SLC30A8: variants seen among roughly 807,000 people sequenced by gnomAD.
The protein encoded by SLC30A8 is solute carrier family 30 member 8.
In SLC30A8, 27 loss-of-function variants were observed where a neutral mutation model predicts 36.9. The observed-to-expected ratio is 0.73, with a 90% CI of 0.54 to 1.01. SLC30A8 has a LOEUF of 1.01. Among genes scored for constraint, SLC30A8 ranks in the 50% least tolerant of loss-of-function variants. SLC30A8 has a pLI of 0.00. For missense variants in SLC30A8, 439 were observed against 452.0 expected (o/e 0.97, Z 0.26); for synonymous variants, 164 against 172.4 (o/e 0.95, Z 0.38).
intron 2 of SLC30A8, among the ~76,000 whole-genome samples, chr8:117,091,321 C>G (rs1025818198): frequency 5.2e-4 from 79 of 152,162 alleles, no homozygotes; most frequent in African/African-American, 1.9e-3. Context: ...TAATTTTGTA[C>G]ACACTGAAGA....
chr8:117,061,872 C>A (rs1818032205), intron 2 of SLC30A8, among the ~76,000 whole-genome samples: 1 of 152,078 alleles, frequency 6.6e-6, no homozygotes. Flanking sequence ...AAGAAGAGAA[C>A]CAAATGAGGG....
At chr8:117,130,691 A>G (rs1283899715), upstream of SLC30A8, among the ~76,000 whole-genome samples, 2 of 151,970 alleles carry the variant, frequency 1.3e-5, no homozygotes, top group Non-Finnish European at 2.9e-5. Flanking sequence ...TTGCCTTTTT[A>G]TATAAATAAA....
At chr8:117,096,511 T>C (rs1383283175) in intron 2 of SLC30A8, among the ~76,000 whole-genome samples, 1 of 152,074 alleles carries the variant, frequency 6.6e-6, no homozygotes, top group African/African-American at 2.4e-5. Flanking sequence ...TTAAGATTCA[T>C]CCAACATTTG....
intron 1 of SLC30A8, among the ~76,000 whole-genome samples, chr8:116,989,966 G>A (rs950946914): frequency 6.6e-6 from 1 of 152,216 alleles, no homozygotes; most frequent in Non-Finnish European, 1.5e-5. Context: ...GATTAGTGGT[G>A]TCTGCCATGA....
chr8:116,978,347 G>C (rs899817727), intron 1 of SLC30A8, among the ~76,000 whole-genome samples: 1 of 152,140 alleles, frequency 6.6e-6, no homozygotes, highest in African/African-American at 2.4e-5. Context: ...GAAGGATGGG[G>C]TAAGAATTTT....
intron 2 of SLC30A8, among the ~76,000 whole-genome samples, chr8:117,061,383 A>G (rs1818020881): frequency 1.3e-5 from 2 of 152,234 alleles, no homozygotes; most frequent in South Asian, 4.1e-4. Flanking sequence ...TTCTCATAGC[A>G]TTCCTATAAC....
chr8:117,163,639 A>C (rs1822904988), intron 6 of SLC30A8, 109 bp downstream of exon 6: 1 of 817,950 alleles, frequency 1.2e-6, no homozygotes, highest in Non-Finnish European at 1.8e-6. Flanking sequence ...TTATGGGAAA[A>C]ATTTAAAGTG....
intron 1 of SLC30A8, among the ~76,000 whole-genome samples, chr8:117,015,408 C>T (rs1204069007): frequency 6.6e-6 from 1 of 152,076 alleles, no homozygotes; most frequent in Non-Finnish European, 1.5e-5. Flanking sequence ...TCTCCATGGT[C>T]CATTCCAAGA....
At chr8:116,994,934 A>T (rs1815765516) in intron 1 of SLC30A8, among the ~76,000 whole-genome samples, 1 of 152,124 alleles carries the variant, frequency 6.6e-6, no homozygotes. Flanking sequence ...GCAAAAATGT[A>T]ATCAGGATAA....
chr8:117,163,388 G>T, intron 5 of SLC30A8, 37 bp from the exon 6 acceptor site: 1 of 1,485,170 alleles, frequency 6.7e-7, no homozygotes. Context: ...AGAGAGGTAT[G>T]AATTCAGTTA....
At chr8:116,988,942 G>A (rs1586366760) in intron 1 of SLC30A8, among the ~76,000 whole-genome samples, 1 of 152,136 alleles carries the variant, frequency 6.6e-6, no homozygotes, top group Non-Finnish European at 1.5e-5. Context: ...GTCTCCTCTT[G>A]TAGGGTATAA....
intron 2 of SLC30A8, among the ~76,000 whole-genome samples, chr8:117,069,683 G>T (rs544762296): frequency 1.3e-5 from 2 of 152,276 alleles, no homozygotes; most frequent in African/African-American, 4.8e-5. Flanking sequence ...ATGAAGGCTG[G>T]GTTTGAATTT....
chr8:117,014,994 A>G (rs1816467196), intron 1 of SLC30A8, among the ~76,000 whole-genome samples: 1 of 140,260 alleles, frequency 7.1e-6, no homozygotes, highest in African/African-American at 2.8e-5. Context: ...CATCACAACT[A>G]TATATCTATA....
chr8:117,154,554 A>G (rs1822375015), intron 3 of SLC30A8, among the ~76,000 whole-genome samples: 1 of 152,178 alleles, frequency 6.6e-6, no homozygotes, highest in Admixed American at 6.5e-5. Context: ...CAAACACTTG[A>G]TCATCGCAGG....
At position 117,161,765 on chromosome 8, in the gene SLC30A8, C is replaced by T. The variant is rs202179744; in HGVS notation, c.600C>T (p.Cys200=). 12 of 1,613,434 alleles carry T rather than the reference C, an allele frequency of 7.4e-6. No homozygotes were observed. The African/African-American group carries it at 1.3e-4, about 18-fold the overall frequency. ...IVLTVVLHQR[C]LGHNHKEVQA... is the part of the protein sequence containing the mutation. ...TAACTGTGGTTTTGCACCAGAGATG[C>T]CTTGGCCACAATCACAAGGAAGTAC... Residue 200 remains cysteine, a synonymous_variant, in exon 5 of 8, where the codon TGC becomes TGT. Transcript: ENST00000456015.
intron 1 of SLC30A8, among the ~76,000 whole-genome samples, chr8:117,018,888 C>T (rs928495807): frequency 2.0e-5 from 3 of 152,096 alleles, no homozygotes; most frequent in Non-Finnish European, 4.4e-5. Context: ...GTCTTGAACT[C>T]CTGACCTCAG....
At chr8:117,103,618 G>A (rs756108611) in intron 2 of SLC30A8, among the ~76,000 whole-genome samples, 1 of 152,154 alleles carries the variant, frequency 6.6e-6, no homozygotes. Flanking sequence ...GGGACTACAG[G>A]CATGAACCAC....
intron 1 of SLC30A8, among the ~76,000 whole-genome samples, chr8:117,027,482 T>TA (rs2130734279): frequency 6.6e-6 from 1 of 152,308 alleles, no homozygotes; most frequent in South Asian, 2.1e-4. Context: ...TTTTTTTTGT[T>TA]GTTTATTTAC....
At chr8:117,097,422 TATATAA>T (rs1382077894) in intron 2 of SLC30A8, among the ~76,000 whole-genome samples, 1 of 99,442 alleles carries the variant, frequency 1.0e-5, no homozygotes, top group South Asian at 2.9e-4. Flanking sequence ...AAAAAAAATA[TATATAA>T]ATATATATAA....
Sources: allele counts gnomAD v4.1 joint callset (sites outside exome capture counted in the v4.1 genomes callset), GRCh38; gene constraint gnomAD v4.1.1; transcripts MANE v1.5; gene names NCBI Gene and HGNC (gene_info 2026-07-23, HGNC 2026-07-21).